The following NKAIN3 variants were observed in gnomAD, a reference collection of about 807,000 sequenced individuals.
NKAIN3 encodes sodium/potassium transporting ATPase interacting 3, also known as sodium/potassium-transporting ATPase subunit beta-1-interacting protein 3.
A neutral mutation model predicts 30.2 loss-of-function variants in NKAIN3; 25 were observed. The ratio of observed to expected loss-of-function variants is 0.83; its 90% CI spans 0.60 to 1.16. The LOEUF is 1.16. NKAIN3 is among the 50% of genes most tolerant of loss of function. NKAIN3 has a pLI of 0.00. For missense variants in NKAIN3, 225 were observed against 254.1 expected, an observed-to-expected ratio of 0.89 and a Z score of 0.78; for synonymous variants, 91 against 89.6, an observed-to-expected ratio of 1.02 and a Z score of -0.09.
chr8:62,759,608 T>A (rs1341124924), intron 4 of NKAIN3, among the ~76,000 whole-genome samples: 2 of 151,880 alleles, frequency 1.3e-5, no homozygotes, highest in African/African-American at 2.4e-5. Context: ...TAAAGAAAAA[T>A]CCCAAAGATA....
At chr8:62,529,621 G>GC (rs1350084614) in intron 1 of NKAIN3, among the ~76,000 whole-genome samples, 1 of 152,058 alleles carries the variant, frequency 6.6e-6, no homozygotes, top group African/African-American at 2.4e-5. Context: ...CAAGCAGCAG[G>GC]CCCTCACCAG....
intron 1 of NKAIN3, among the ~76,000 whole-genome samples, chr8:62,564,921 G>A (rs1809702384): frequency 6.6e-6 from 1 of 152,022 alleles, no homozygotes; most frequent in Admixed American, 6.6e-5. Flanking sequence ...CCATTCAGAG[G>A]TAACTTAGAT....
intron 4 of NKAIN3, among the ~76,000 whole-genome samples, chr8:62,796,029 A>G (rs908882699): frequency 2.0e-5 from 3 of 152,122 alleles, no homozygotes; most frequent in African/African-American, 7.2e-5. Context: ...ACTGTCTTCA[A>G]TTCTCCACCT....
At position 62,320,190 on chromosome 8, in the gene NKAIN3, T is replaced by A. The variant is rs183457525; in HGVS notation, c.54+71063T>A. 6.5e-3 allele frequency among the ~76,000 whole-genome samples: 992 copies of A among 152,304 alleles called. 7 individuals are homozygous for A. The highest frequency in any genetic ancestry group is 0.011 in the Non-Finnish European group (775 of 68,030). On this transcript the variant is annotated intron_variant, in intron 1 of 6. Coordinates refer to ENST00000623646, the MANE Select transcript of NKAIN3 (RefSeq NM_001304533.3). ...TTTTGTTTTCCATTTGCTTGGTAGA[T>A]CTTCCTCCATCCCTTTATTTTGAGC...
intron 4 of NKAIN3, among the ~76,000 whole-genome samples, chr8:62,831,257 T>A (rs2130745342): frequency 6.6e-6 from 1 of 150,810 alleles, no homozygotes; most frequent in East Asian, 2.0e-4. Context: ...ATGAAAAAAA[T>A]TACAAAATTT....
intron 4 of NKAIN3, among the ~76,000 whole-genome samples, chr8:62,801,914 A>C (rs1221796274): frequency 6.6e-6 from 1 of 152,182 alleles, no homozygotes; most frequent in African/African-American, 2.4e-5. Context: ...CAATACAGAG[A>C]AGTGCTTAAA....
intron 3 of NKAIN3, among the ~76,000 whole-genome samples, chr8:62,720,617 A>C (rs1010899067): frequency 3.9e-5 from 6 of 152,192 alleles, no homozygotes; most frequent in African/African-American, 1.4e-4. Context: ...TAACAATGGC[A>C]ATATTTATTC....
intron 4 of NKAIN3, among the ~76,000 whole-genome samples, chr8:62,797,524 C>T (rs921890280): frequency 6.6e-6 from 1 of 152,168 alleles, no homozygotes; most frequent in Non-Finnish European, 1.5e-5. Flanking sequence ...TCCTGCCAGA[C>T]AGTGACCTCC....
chr8:62,936,765 A>C lies in NKAIN3; in HGVS notation c.533-17137A>C, dbSNP rs1822800145. On this transcript the variant is annotated intron_variant, in intron 5 of 6. Transcript: ENST00000623646. ...CACTTCCCCCATAAAATTCTGTCCTAATGTCATATGTTTATTCTGCTAAAA... is the reference window on the plus strand; with the variant it reads ...CACTTCCCCCATAAAATTCTGTCCTCATGTCATATGTTTATTCTGCTAAAA... 2.6e-5 allele frequency among the ~76,000 whole-genome samples: 4 copies of C among 152,240 alleles called. No individual in the cohort carries two copies. The South Asian group carries it at 8.3e-4, about 32-fold the overall frequency.
At chr8:62,315,919 T>C (rs1814608133) in intron 1 of NKAIN3, among the ~76,000 whole-genome samples, 3 of 152,284 alleles carry the variant, frequency 2.0e-5, no homozygotes, top group Admixed American at 2.0e-4. Context: ...TCATCTTTAA[T>C]TGTAGTTGCC....
intron 1 of NKAIN3, among the ~76,000 whole-genome samples, chr8:62,367,126 G>T (rs1476773023): frequency 6.6e-6 from 1 of 152,024 alleles, no homozygotes; most frequent in African/African-American, 2.4e-5. Context: ...ATTTATCCTG[G>T]AGAATATTTC....
At chr8:62,450,193 C>T (rs1805600072) in intron 1 of NKAIN3, among the ~76,000 whole-genome samples, 1 of 152,034 alleles carries the variant, frequency 6.6e-6, no homozygotes, top group Non-Finnish European at 1.5e-5. Flanking sequence ...GCCTAATCTC[C>T]AACATTTAAA....
chr8:62,258,902 A>T (rs372662845), intron 1 of NKAIN3, among the ~76,000 whole-genome samples: 1 of 152,134 alleles, frequency 6.6e-6, no homozygotes, highest in African/African-American at 2.4e-5. Context: ...ATCAGCAACA[A>T]TGAAGAATCC....
Position 62,769,841 on chromosome 8 carries a change from C to T in NKAIN3, c.471+22712C>T, listed in dbSNP as rs149779471. On this transcript the variant is annotated intron_variant, in intron 4 of 6. Coordinates refer to ENST00000623646, the MANE Select transcript of NKAIN3 (RefSeq NM_001304533.3). ...AGATTCAACAGTCCTCTCTGAAAAG[C>T]TTCCTAATTTATGACTTTTTTATCT... 5.4e-3 allele frequency among the ~76,000 whole-genome samples: 819 copies of T among 152,302 alleles called. 3 individuals are homozygous for T. The highest frequency in any genetic ancestry group is 0.018 in the African/African-American group (759 of 41,568).
At position 62,369,314 on chromosome 8, in the gene NKAIN3, T is replaced by G. The variant is rs1816834240; in HGVS notation, c.54+120187T>G. 2.0e-5 allele frequency among the ~76,000 whole-genome samples: 3 copies of G among 152,152 alleles called. No individual in the cohort carries two copies. The South Asian group carries it at 6.2e-4, about 32-fold the overall frequency. On this transcript the variant is annotated intron_variant, in intron 1 of 6. Coordinates refer to ENST00000623646, the MANE Select transcript of NKAIN3 (RefSeq NM_001304533.3). ...AGAATTTACATTGTGTCTATGAGGG[T>G]GTCTTTTTTGGTGAATTCACTTTTG...
chr8:62,986,130 G>A (rs1463951343), downstream of NKAIN3, among the ~76,000 whole-genome samples: 2 of 152,146 alleles, frequency 1.3e-5, no homozygotes, highest in East Asian at 1.9e-4. Context: ...AACAACTTAA[G>A]CATACCCTAA....
intron 1 of NKAIN3, among the ~76,000 whole-genome samples, chr8:62,461,381 C>A (rs533049262): frequency 4.6e-4 from 70 of 152,284 alleles, no homozygotes; most frequent in African/African-American, 1.6e-3. Flanking sequence ...AGAGTTGCCA[C>A]ATTACCATGT....
chr8:62,329,519 G>A (rs1053274578), intron 1 of NKAIN3, among the ~76,000 whole-genome samples: 4 of 152,026 alleles, frequency 2.6e-5, no homozygotes, highest in Non-Finnish European at 4.4e-5. Context: ...GATCCCCAGT[G>A]TTTATCATTC....
chr8:62,579,526 T>A lies in NKAIN3; in HGVS notation c.55-13T>A. 1 of 1,592,716 alleles carries A rather than the reference T, an allele frequency of 6.3e-7. No homozygotes were observed. Among genetic ancestry groups the A allele is most frequent in the Non-Finnish European group, 8.5e-7 (1 of 1,171,930 alleles). ...TGGATTCAATGCTAATGAACTTTCT[T>A]TTTTTGTTGTAGGTCTCAGCATTAG... On this transcript the variant is annotated splice_polypyrimidine_tract_variant and intron_variant, in intron 1 of 6. Coordinates refer to ENST00000623646, the MANE Select transcript of NKAIN3 (RefSeq NM_001304533.3).
Sources: gnomAD v4.1 joint callset for allele counts (sites outside exome capture counted in the v4.1 genomes callset) on GRCh38, gnomAD v4.1.1 for gene constraint, MANE v1.5 for transcripts, NCBI Gene and HGNC (gene_info 2026-07-23, HGNC 2026-07-21) for gene names.